The following WDR12 variants were observed in gnomAD, a reference collection of about 807,000 sequenced individuals.
WDR12 encodes the protein WD repeat domain 12, also known as ribosome biogenesis protein WDR12.
WDR12 carries 42 observed loss-of-function variants against 64.3 expected under a neutral mutation model. That is an observed-to-expected ratio of 0.65 (90% CI 0.51 to 0.84). WDR12 has a LOEUF of 0.84. Ranked by LOEUF, WDR12 falls within the 40% of genes least tolerant of loss-of-function variation. The pLI, the probability that WDR12 is intolerant of heterozygous loss-of-function variation, is 0.00. For synonymous variants in WDR12, 158 were observed against 173.3 expected (o/e 0.91, Z 0.70); for missense variants, 469 against 494.6 (o/e 0.95, Z 0.49).
In WDR12 at chr2:202,911,535, G is replaced by A; in HGVS notation, c.-59C>T. 1.3e-6 allele frequency: 2 copies of A among 1,518,772 alleles called. No individual in the cohort carries two copies. The highest frequency in any genetic ancestry group is 2.7e-5 in the African/African-American group (2 of 73,032). 94.1% of individuals were successfully genotyped at this position (1,518,772 alleles called of 1,614,324 possible). ...GTACGGGTTAGCAGACCCACAACAC[G>A]AAGCTCCTGCCTTTTAAGACTACAA... On this transcript the variant is annotated 5_prime_UTR_variant, in exon 1 of 13. Coordinates refer to ENST00000261015, the MANE Select transcript of WDR12 (RefSeq NM_018256.4).
At chr2:202,888,359 T>A (rs1321720473) in intron 8 of WDR12, among the ~76,000 whole-genome samples, 1 of 152,206 alleles carries the variant, frequency 6.6e-6, no homozygotes, top group East Asian at 1.9e-4. Flanking sequence ...TGGACTGTTC[T>A]ATATCTTGGT....
At position 202,899,280 on chromosome 2, in the gene WDR12, G is replaced by A. The variant is rs543069998; in HGVS notation, c.338+251C>T. Among the ~76,000 whole-genome samples the A allele has an allele frequency of 4.6e-5, 7 of 151,918 alleles. No individual in the cohort carries two copies. In the South Asian group the frequency reaches 6.2e-4, roughly 14 times the overall value. On this transcript the variant is annotated intron_variant, in intron 4 of 12. Transcript: ENST00000261015. ...AGGATGGTCTCGATCTCCCAACCTC[G>A]TAATCCACCCTCCTCGGCCTCCCAA...
At chr2:202,908,085 G>A (rs756436959) in intron 1 of WDR12, 126 bp from the exon 2 acceptor site, 78 of 854,120 alleles carry the variant, frequency 9.1e-5, no homozygotes, top group Non-Finnish European at 1.3e-4. Flanking sequence ...GCTACATGTT[G>A]TAAACAAAAA....
At chr2:202,910,494 G>A (rs1317084170) in intron 1 of WDR12, among the ~76,000 whole-genome samples, 5 of 152,078 alleles carry the variant, frequency 3.3e-5, no homozygotes, top group Admixed American at 2.6e-4. Context: ...CTGCAGTCCA[G>A]CCTGGGCAAC....
intron 2 of WDR12, among the ~76,000 whole-genome samples, chr2:202,904,138 C>CAAAAAAAAAAAAAAAAAAAAAAA (rs34378996): frequency 1.0e-4 from 4 of 38,532 alleles, no homozygotes; most frequent in Admixed American, 3.7e-4. Flanking sequence ...AACTCTGTCT[C>CAAAAAAAAAAAAAAAAAAAAAAA]AAAAAAAAAA....
chr2:202,909,828 T>C (rs1292117626), intron 1 of WDR12, among the ~76,000 whole-genome samples: 2 of 148,986 alleles, frequency 1.3e-5, no homozygotes, highest in Non-Finnish European at 1.5e-5. Context: ...AGAGTCTCAC[T>C]ATGTTCCCCA....
At chr2:202,899,416 A>G (rs1688310832) in intron 4 of WDR12, 115 bp downstream of exon 4, 7 of 922,342 alleles carry the variant, frequency 7.6e-6, no homozygotes, top group Non-Finnish European at 1.1e-5. Context: ...AGAGATCACA[A>G]AATTAATTTA....
At chr2:202,911,401 T>C in intron 1 of WDR12, 35 bp downstream of exon 1, 1 of 1,610,070 alleles carries the variant, frequency 6.2e-7, no homozygotes, top group Non-Finnish European at 8.5e-7. Context: ...GAAAGGAACC[T>C]GGGGAAGGGA....
At chr2:202,894,702 C>A (rs1290364105) in intron 6 of WDR12, 76 bp from the exon 7 acceptor site, 2 of 1,241,078 alleles carry the variant, frequency 1.6e-6, no homozygotes, top group Non-Finnish European at 2.2e-6. Context: ...TAGGTCTCTT[C>A]CTCATTCAGG....
chr2:202,883,770 A>T (rs1334540087), intron 10 of WDR12, 29 bp from the exon 11 acceptor site: 1 of 1,599,908 alleles, frequency 6.3e-7, no homozygotes, highest in South Asian at 1.1e-5. Context: ...ACAAGCGTTG[A>T]ATTTTAGAAA....
At chr2:202,901,167 T>C (rs1416137577) in intron 2 of WDR12, 48 bp from the exon 3 acceptor site, 2 of 1,463,288 alleles carry the variant, frequency 1.4e-6, no homozygotes, top group Non-Finnish European at 1.9e-6. Flanking sequence ...TCTAAAGTAA[T>C]ATTGGCAGAG....
At chr2:202,897,829 C>T (rs1296078381) in intron 4 of WDR12, among the ~76,000 whole-genome samples, 2 of 137,396 alleles carry the variant, frequency 1.5e-5, no homozygotes, top group Non-Finnish European at 3.1e-5. Flanking sequence ...GCAGAGCTTG[C>T]AGTGAGCCGA....
At chr2:202,883,872 G>C in intron 10 of WDR12, 131 bp from the exon 11 acceptor site, 1 of 849,304 alleles carries the variant, frequency 1.2e-6, no homozygotes, top group Non-Finnish European at 1.8e-6. Flanking sequence ...GAGTGCAGTA[G>C]TGCAATCTTG....
intron 2 of WDR12, among the ~76,000 whole-genome samples, chr2:202,905,438 A>G (rs544015979): frequency 5.9e-5 from 9 of 152,346 alleles, no homozygotes; most frequent in African/African-American, 2.2e-4. Context: ...CCACCACGCC[A>G]GGCCAAAATG....
intron 8 of WDR12, 41 bp downstream of exon 8, chr2:202,892,576 C>G: frequency 7.0e-7 from 1 of 1,422,012 alleles, no homozygotes; most frequent in East Asian, 2.3e-5. Context: ...TTTGTCAACA[C>G]AGGCCTAAGG....
chr2:202,901,109 T>C lies in WDR12; in HGVS notation c.147A>G (p.Lys49=), dbSNP rs1688341434. 1 of 1,592,216 alleles carries C rather than the reference T, an allele frequency of 6.3e-7. No homozygotes were observed. Among genetic ancestry groups the C allele is most frequent in the East Asian group, 2.2e-5 (1 of 44,478 alleles). ...TAATAAGGAAATCAAACTCCACATG[T>C]TTGTGGAACTCTGAGGAAAATACAT... The part of the protein sequence containing the change: ...KLLKDKNEFH[K]HVEFDFLIKG... The change falls in exon 3 of 13, where the codon AAA becomes AAG. Residue 49 remains lysine, a synonymous_variant. Coordinates refer to ENST00000261015, the MANE Select transcript of WDR12 (RefSeq NM_018256.4).
chr2:202,884,755 T>C (rs1427788563), intron 8 of WDR12, among the ~76,000 whole-genome samples: 5 of 152,228 alleles, frequency 3.3e-5, no homozygotes, highest in African/African-American at 7.2e-5. Flanking sequence ...TCATAGAGCT[T>C]ATAAGTGGCA....
chr2:202,882,561 C>A, intron 12 of WDR12, 150 bp downstream of exon 12: 2 of 642,366 alleles, frequency 3.1e-6, no homozygotes, highest in Non-Finnish European at 5.4e-6. Context: ...ATCTCCTGAC[C>A]TCGTGATCTG....
intron 2 of WDR12, among the ~76,000 whole-genome samples, chr2:202,905,628 T>C (rs1444827966): frequency 6.6e-6 from 1 of 152,168 alleles, no homozygotes; most frequent in Non-Finnish European, 1.5e-5. Context: ...GCTAGGTATA[T>C]ACTCAAAAGT....
Sources: allele counts gnomAD v4.1 joint callset (sites outside exome capture counted in the v4.1 genomes callset), GRCh38; gene constraint gnomAD v4.1.1; transcripts MANE v1.5; gene names NCBI Gene and HGNC (gene_info 2026-07-23, HGNC 2026-07-21).